The following SMIM38 variants were observed in gnomAD, a reference collection of about 807,000 sequenced individuals.
SMIM38 encodes the protein small integral membrane protein 38.
Position 69,158,149 on chromosome 11 carries a change from G to A in SMIM38, c.*147G>A, listed in dbSNP as rs11228536. Reference sequence around the variant, plus strand: ...AGCTCAGAGAGGCCTGAGATGGATCGTGCCTTCCCAGACTGACCAGGGCTG... The same window carrying A: ...AGCTCAGAGAGGCCTGAGATGGATCATGCCTTCCCAGACTGACCAGGGCTG... On this transcript the variant is annotated 3_prime_UTR_variant, in exon 2 of 3. Coordinates refer to ENST00000686237, the MANE Select transcript of SMIM38 (RefSeq NM_001369201.2). 39,010 of 395,762 alleles carry A rather than the reference G, an allele frequency of 0.099. 2,187 individuals carry two copies. The highest frequency in any genetic ancestry group is 0.15 in the African/African-American group (7,296 of 48,642). 24.5% of individuals were successfully genotyped at this position (395,762 alleles called of 1,614,324 possible).
rs946825104 is a variant in SMIM38, at chr11:69,157,955, G to A, written c.109G>A (p.Asp37Asn). ...ILWSCLGTYI[D>N]YRLAQRRPQK... Reference sequence around the variant, plus strand: ...GTGGTCCTGCCTCGGGACCTACATCGACTACAGACTGGCCCAGCGGCGGCC... The same window carrying A: ...GTGGTCCTGCCTCGGGACCTACATCAACTACAGACTGGCCCAGCGGCGGCC... The change falls in exon 2 of 3, where the codon GAC becomes AAC. Residue 37 changes from aspartate to asparagine, a missense_variant. Coordinates refer to ENST00000686237, the MANE Select transcript of SMIM38 (RefSeq NM_001369201.2). 20 of 398,906 alleles carry A rather than the reference G, an allele frequency of 5.0e-5. No homozygotes were observed. The highest frequency in any genetic ancestry group is 1.3e-4 in the Admixed American group (3 of 22,724). The allele number at this position is 398,906 out of a possible 1,614,324, so 24.7% of individuals were successfully genotyped here.
rs946199416 is a variant in SMIM38 at position 69,160,361 on chromosome 11, A to AT, written c.*2271dup. On this transcript the variant is annotated 3_prime_UTR_variant, in exon 3 of 3. Coordinates refer to ENST00000686237, the MANE Select transcript of SMIM38 (RefSeq NM_001369201.2). ...GCCACCACGCCCTGCTGATTTTTGT[A>AT]TTTTTTAGTAGAGATGGTGTTTCAC... is the stretch of plus-strand genomic sequence containing the variant. 2 of 151,906 alleles carry AT rather than the reference A, an allele frequency of 1.3e-5. No homozygotes were observed. Among genetic ancestry groups the AT allele is most frequent in the African/African-American group, 2.4e-5 (1 of 41,328 alleles). The allele number at this position is 151,906 out of a possible 1,614,324, so 9.4% of individuals were successfully genotyped here.
intron 1 of SMIM38, among the ~76,000 whole-genome samples, chr11:69,156,405 T>G (rs1473155819): frequency 2.0e-4 from 30 of 152,184 alleles, no homozygotes; most frequent in Admixed American, 2.0e-3. Flanking sequence ...TGGGGCCCCT[T>G]TGCTTTACAG....
At chr11:69,156,520 G>A (rs1040717028) in intron 1 of SMIM38, among the ~76,000 whole-genome samples, 2 of 152,188 alleles carry the variant, frequency 1.3e-5, no homozygotes, top group East Asian at 3.9e-4. Context: ...AGAGCCTGTA[G>A]AGGTCAATGT....
intron 1 of SMIM38, among the ~76,000 whole-genome samples, chr11:69,156,943 C>T (rs753307448): frequency 6.6e-6 from 1 of 152,184 alleles, no homozygotes; most frequent in Non-Finnish European, 1.5e-5. Flanking sequence ...GGCTACAGGT[C>T]CCACCTAAGG....
rs766283787 is a variant in SMIM38, at chr11:69,161,311, CAG to C, written c.*3218_*3219del. The C allele has an allele frequency of 1.3e-5, 2 of 152,366 alleles. No individual in the cohort carries two copies. Among genetic ancestry groups the C allele is most frequent in the Admixed American group, 6.5e-5 (1 of 15,306 alleles). 9.4% of individuals were successfully genotyped at this position (152,366 alleles called of 1,614,324 possible). A position where few individuals can be genotyped will look rare whatever the true frequency, so the allele number is the denominator to read the frequency against. ...GAATGCCAAGTTTGTTATAAAGAAA[CAG>C]AGGCAAAATGGCGATCAGGCAGGCA... On this transcript the variant is annotated 3_prime_UTR_variant, in exon 3 of 3. Transcript: ENST00000686237.
chr11:69,159,131 C>A lies in SMIM38; in HGVS notation c.*1129C>A, dbSNP rs1425734341. The A allele has an allele frequency of 1.3e-5, 2 of 152,188 alleles. No individual in the cohort carries two copies. Among genetic ancestry groups the A allele is most frequent in the Non-Finnish European group, 2.9e-5 (2 of 68,046 alleles). 9.4% of individuals were successfully genotyped at this position (152,188 alleles called of 1,614,324 possible). On this transcript the variant is annotated 3_prime_UTR_variant, in exon 2 of 3. Coordinates refer to ENST00000686237, the MANE Select transcript of SMIM38 (RefSeq NM_001369201.2). ...GTGATGGGTATGCTAGGGATGCTCG[C>A]TCAGGGAACGTGGGCCAAGTCCTCT...
chr11:69,157,971 A>G lies in SMIM38; in HGVS notation c.125A>G (p.Gln42Arg). ...LGTYIDYRLA[Q>R]RRPQKPKQD The stretch of plus-strand genomic sequence containing the variant: ...ACCTACATCGACTACAGACTGGCCC[A>G]GCGGCGGCCCCAGAAACCCAAGCAG... The change falls in exon 2 of 3, where the codon CAG (glutamine) becomes CGG (arginine). Residue 42 changes from glutamine (Q) to arginine (R), a missense_variant. Transcript: ENST00000686237. The G allele has an allele frequency of 2.5e-6, 1 of 398,818 alleles. No individual in the cohort carries two copies. The highest frequency in any genetic ancestry group is 4.4e-6 in the Non-Finnish European group (1 of 226,282). The allele number at this position is 398,818 out of a possible 1,614,324, so 24.7% of individuals were successfully genotyped here.
In SMIM38 at chr11:69,158,121, A is replaced by G; in HGVS notation, c.*119A>G. The stretch of plus-strand genomic sequence containing the variant: ...GATCCCCATGTCCCACCCCTGGGGC[A>G]GGAGCTCAGAGAGGCCTGAGATGGA... On this transcript the variant is annotated 3_prime_UTR_variant, in exon 2 of 3. Transcript: ENST00000686237. The G allele has an allele frequency of 2.5e-6, 1 of 396,960 alleles. No homozygotes were observed. The highest frequency in any genetic ancestry group is 4.4e-6 in the Non-Finnish European group (1 of 225,548). The allele number at this position is 396,960 out of a possible 1,614,324, so 24.6% of individuals were successfully genotyped here.
rs1295277085 is a variant in SMIM38, at chr11:69,161,425, T to G, written c.*3329T>G. 1 of 152,274 alleles carries G rather than the reference T, an allele frequency of 6.6e-6. No individual in the cohort carries two copies. Among genetic ancestry groups the G allele is most frequent in the East Asian group, 1.9e-4 (1 of 5,202 alleles). The allele number at this position is 152,274 out of a possible 1,614,324, so 9.4% of individuals were successfully genotyped here. A position where few individuals can be genotyped will look rare whatever the true frequency, so the allele number is the denominator to read the frequency against. ...ACCCTATTTTGGATATTTGGGCACC[T>G]TTGTGGTACCCTTATGTGCTGGTTT... is the stretch of plus-strand genomic sequence containing the variant. On this transcript the variant is annotated 3_prime_UTR_variant, in exon 3 of 3. Coordinates refer to ENST00000686237, the MANE Select transcript of SMIM38 (RefSeq NM_001369201.2).
Position 69,159,769 on chromosome 11 carries a change from C to G in SMIM38, c.*1673C>G, listed in dbSNP as rs547187095. The G allele has an allele frequency of 6.6e-6, 1 of 152,114 alleles. No individual in the cohort carries two copies. The highest frequency in any genetic ancestry group is 2.4e-5 in the African/African-American group (1 of 41,400). The allele number at this position is 152,114 out of a possible 1,614,324, so 9.4% of individuals were successfully genotyped here. A position where few individuals can be genotyped will look rare whatever the true frequency, so the allele number is the denominator to read the frequency against. Reference sequence around the variant, plus strand: ...CTCTGCCTGAATATTCTCGCCTGATCGTAGGATTGTGGGGAGGGATATTCT... The same window carrying G: ...CTCTGCCTGAATATTCTCGCCTGATGGTAGGATTGTGGGGAGGGATATTCT... On this transcript the variant is annotated 3_prime_UTR_variant, in exon 3 of 3. Transcript: ENST00000686237.
At position 69,157,193 on chromosome 11, in the gene SMIM38, T is replaced by C. The variant is rs117476455; in HGVS notation, c.-654T>C. On this transcript the variant is annotated 5_prime_UTR_variant, in exon 2 of 3. Transcript: ENST00000686237. Reference sequence around the variant, plus strand: ...CCTCAGGCTCCGTCCTTCTTCCCCGTGGTGGCCCCAGCCTCCCTGCCAAGC... The same window carrying C: ...CCTCAGGCTCCGTCCTTCTTCCCCGCGGTGGCCCCAGCCTCCCTGCCAAGC... The C allele has an allele frequency of 9.2e-3, 1,399 of 152,894 alleles. 125 individuals carry two copies. The East Asian group carries it at 0.2, about 21-fold the overall frequency. 9.5% of individuals were successfully genotyped at this position (152,894 alleles called of 1,614,324 possible). A position where few individuals can be genotyped will look rare whatever the true frequency, so the allele number is the denominator to read the frequency against.
In SMIM38 at chr11:69,157,548, T is replaced by G; in HGVS notation, c.-299T>G. 3.4e-6 allele frequency: 1 copy of G among 297,204 alleles called. No individual in the cohort carries two copies. 18.4% of individuals were successfully genotyped at this position (297,204 alleles called of 1,614,324 possible). A position where few individuals can be genotyped will look rare whatever the true frequency, so the allele number is the denominator to read the frequency against. ...AGCACGGAGAGTGGTTAATTCTGGA[T>G]GAATGGTACACGGGCCTCTTGACCA... On this transcript the variant is annotated 5_prime_UTR_variant, in exon 2 of 3. An upstream start codon of the reference 5' UTR is lost. Coordinates refer to ENST00000686237, the MANE Select transcript of SMIM38 (RefSeq NM_001369201.2).
rs1465421470 is a variant in SMIM38, at chr11:69,161,044, GCT to G, written c.*2951_*2952del. On this transcript the variant is annotated 3_prime_UTR_variant, in exon 3 of 3. Transcript: ENST00000686237. ...GGGTCTCAGACCCTGACATATTTCT[GCT>G]CTGCTACCCTCAGCATGTAGATTTG... is the stretch of plus-strand genomic sequence containing the variant. 2 of 152,230 alleles carry G rather than the reference GCT, an allele frequency of 1.3e-5. No homozygotes were observed. Among genetic ancestry groups the G allele is most frequent in the African/African-American group, 4.8e-5 (2 of 41,456 alleles). The allele number at this position is 152,230 out of a possible 1,614,324, so 9.4% of individuals were successfully genotyped here.
Position 69,157,870 on chromosome 11 carries a change from C to T in SMIM38, c.24C>T (p.Ser8=), listed in dbSNP as rs1857008983. Residue 8 remains serine (S), a synonymous_variant, in exon 2 of 3, where the codon AGC becomes AGT. Coordinates refer to ENST00000686237, the MANE Select transcript of SMIM38 (RefSeq NM_001369201.2). ...GCATGACCTCCTGGCCAGGTGGCAG[C>T]TTTGGCCCTGACCCGCTCCTGGCCC... MTSWPGG[S]FGPDPLLALL... 1 of 398,960 alleles carries T rather than the reference C, an allele frequency of 2.5e-6. No homozygotes were observed. Among genetic ancestry groups the T allele is most frequent in the South Asian group, 1.3e-4 (1 of 7,876 alleles). The allele number at this position is 398,960 out of a possible 1,614,324, so 24.7% of individuals were successfully genotyped here.
rs911157102 is a variant in SMIM38 at position 69,161,257 on chromosome 11, C to T, written c.*3161C>T. The T allele has an allele frequency of 2.0e-5, 3 of 152,322 alleles. No individual in the cohort carries two copies. Among genetic ancestry groups the T allele is most frequent in the Non-Finnish European group, 4.4e-5 (3 of 68,022 alleles). 9.4% of individuals were successfully genotyped at this position (152,322 alleles called of 1,614,324 possible). On this transcript the variant is annotated 3_prime_UTR_variant, in exon 3 of 3. Transcript: ENST00000686237. ...TGCACAGGAGGCTGAGAGATAGTGG[C>T]GTTTGTTAGCTGGTCTCCTAGCCAT...
At position 69,157,911 on chromosome 11, in the gene SMIM38, T is replaced by G. The variant is rs1857009803; in HGVS notation, c.65T>G (p.Leu22Arg). Residue 22 changes from leucine (L) to arginine (R), a missense_variant, in exon 2 of 3, where the codon CTG (leucine) becomes CGG (arginine). Physicochemically the swap from Leu to Arg is moderately radical, Grantham distance 102. Coordinates refer to ENST00000686237, the MANE Select transcript of SMIM38 (RefSeq NM_001369201.2). ...DPLLALLVVILLARLILWSCL... is the reference protein window; with the variant it reads ...DPLLALLVVIRLARLILWSCL... ...CTCCTGGCCCTGCTGGTGGTGATCC[T>G]GCTAGCACGCCTCATCCTGTGGTCC... 1 of 399,216 alleles carries G rather than the reference T, an allele frequency of 2.5e-6. No homozygotes were observed. Among genetic ancestry groups the G allele is most frequent in the Admixed American group, 4.4e-5 (1 of 22,720 alleles). 24.7% of individuals were successfully genotyped at this position (399,216 alleles called of 1,614,324 possible). A position where few individuals can be genotyped will look rare whatever the true frequency, so the allele number is the denominator to read the frequency against.
At position 69,161,926 on chromosome 11, in the gene SMIM38, G is replaced by T. The variant is rs530221299; in HGVS notation, c.*3830G>T. The T allele has an allele frequency of 1.3e-5, 2 of 152,070 alleles. No individual in the cohort carries two copies. The highest frequency in any genetic ancestry group is 2.4e-5 in the African/African-American group (1 of 41,386). The allele number at this position is 152,070 out of a possible 1,614,324, so 9.4% of individuals were successfully genotyped here. On this transcript the variant is annotated 3_prime_UTR_variant, in exon 3 of 3. Transcript: ENST00000686237. ...CAAAGGATGGGTGTCCTAATCAGAG[G>T]AGGAGATTAGGACCCAGACACACAC...
rs1399044829 is a variant in SMIM38, at chr11:69,160,054, C to G, written c.*1958C>G. The G allele has an allele frequency of 1.3e-5, 2 of 152,222 alleles. No individual in the cohort carries two copies. Among genetic ancestry groups the G allele is most frequent in the Non-Finnish European group, 2.9e-5 (2 of 68,068 alleles). The allele number at this position is 152,222 out of a possible 1,614,324, so 9.4% of individuals were successfully genotyped here. On this transcript the variant is annotated 3_prime_UTR_variant, in exon 3 of 3. Coordinates refer to ENST00000686237, the MANE Select transcript of SMIM38 (RefSeq NM_001369201.2). ...AGACATTCATATGATGTGCCGATGTCTTGCCAGTTGTAGAGTTTTGTGTAA... is the reference window on the plus strand; with the variant it reads ...AGACATTCATATGATGTGCCGATGTGTTGCCAGTTGTAGAGTTTTGTGTAA...
Sources: allele counts gnomAD v4.1 joint callset (sites outside exome capture counted in the v4.1 genomes callset), GRCh38; gene constraint gnomAD v4.1.1; transcripts MANE v1.5; gene names NCBI Gene and HGNC (gene_info 2026-07-23, HGNC 2026-07-21).